Variants in RBFOX1 observed in about 807,000 individuals in gnomAD.
RBFOX1 encodes RNA binding protein fox-1 homolog 1.
Under a neutral mutation model 57.7 loss-of-function variants are expected in RBFOX1, and 8 were observed. The ratio of observed to expected loss-of-function variants is 0.14; its 90% CI spans 0.08 to 0.25. The LOEUF (loss-of-function observed/expected upper bound fraction) is 0.25. Ranked by LOEUF, RBFOX1 falls within the 10% of genes least tolerant of loss-of-function variation. The pLI, the probability that RBFOX1 is intolerant of heterozygous loss-of-function variation, is 1.00. For missense variants in RBFOX1, 611 were observed against 548.5 expected, an observed-to-expected ratio of 1.11 and a Z score of -1.14; for synonymous variants, 326 against 222.4, an observed-to-expected ratio of 1.47 and a Z score of -4.15.
chr16:5,663,100 C>A (rs114373675), intron 3 of RBFOX1, among the ~76,000 whole-genome samples: 1 of 152,102 alleles, frequency 6.6e-6, no homozygotes, highest in Non-Finnish European at 1.5e-5. Context: ...AGGTATAGGC[C>A]AGGGATACTG....
At chr16:6,158,723 C>G (rs779022527) in intron 1 of RBFOX1, among the ~76,000 whole-genome samples, 66 of 152,128 alleles carry the variant, frequency 4.3e-4, no homozygotes, top group Non-Finnish European at 6.9e-4. Flanking sequence ...GTGTGTATGA[C>G]AGAAGTAAAC....
chr16:5,470,959 C>T (rs1352708000), intron 2 of RBFOX1, among the ~76,000 whole-genome samples: 1 of 152,164 alleles, frequency 6.6e-6, no homozygotes, highest in Non-Finnish European at 1.5e-5. Flanking sequence ...TCAAGCGATT[C>T]TACTGCCTCA....
At chr16:5,473,330 C>G (rs1208060214) in intron 2 of RBFOX1, among the ~76,000 whole-genome samples, 3 of 152,178 alleles carry the variant, frequency 2.0e-5, no homozygotes, top group African/African-American at 7.2e-5. Context: ...CACCTCATTA[C>G]TCCTGTTACA....
chr16:6,799,171 A>C (rs945092488), intron 3 of RBFOX1, among the ~76,000 whole-genome samples: 8 of 152,096 alleles, frequency 5.3e-5, no homozygotes, highest in Admixed American at 1.3e-4. Context: ...TCAGGAAAGA[A>C]TTCAAAAGTG....
chr16:7,392,200 A>G (rs974436754), intron 4 of RBFOX1, among the ~76,000 whole-genome samples: 1 of 151,942 alleles, frequency 6.6e-6, no homozygotes, highest in African/African-American at 2.4e-5. Flanking sequence ...TCATTTTCAG[A>G]CCTCTGCCTA....
At chr16:5,860,778 A>T (rs1444507298) in intron 3 of RBFOX1, among the ~76,000 whole-genome samples, 1 of 152,176 alleles carries the variant, frequency 6.6e-6, no homozygotes, top group Non-Finnish European at 1.5e-5. Context: ...TCTCCACAAC[A>T]TCATGAAAAA....
intron 4 of RBFOX1, among the ~76,000 whole-genome samples, chr16:7,477,494 T>G (rs1286295077): frequency 1.3e-5 from 2 of 152,112 alleles, no homozygotes; most frequent in South Asian, 2.1e-4. Flanking sequence ...TCCTTGCCTC[T>G]CCCTTCTGCC....
intron 4 of RBFOX1, among the ~76,000 whole-genome samples, chr16:7,493,266 C>T (rs11077193): frequency 0.17 from 25,177 of 152,120 alleles, 2,906 homozygotes; most frequent in East Asian, 0.42. Context: ...ACCTTTCAGG[C>T]GCTCAACAGC....
intron 3 of RBFOX1, among the ~76,000 whole-genome samples, chr16:5,669,510 C>G (rs1024333695): frequency 6.7e-6 from 1 of 149,788 alleles, no homozygotes; most frequent in Non-Finnish European, 1.5e-5. Flanking sequence ...ACCTCCAACT[C>G]CCTGGTTCAA....
chr16:5,471,097 G>C (rs1418255560), intron 2 of RBFOX1, among the ~76,000 whole-genome samples: 2 of 152,164 alleles, frequency 1.3e-5, no homozygotes, highest in Non-Finnish European at 2.9e-5. Context: ...GTCTCCCAAA[G>C]TGCTGGGATT....
intron 3 of RBFOX1, among the ~76,000 whole-genome samples, chr16:6,986,671 C>T (rs2090356310): frequency 6.6e-6 from 1 of 152,128 alleles, no homozygotes; most frequent in African/African-American, 2.4e-5. Context: ...TTCCCTTCCT[C>T]TCCCTCCCCT....
At chr16:5,260,821 T>C (rs1258940047) in intron 1 of RBFOX1, 1 of 152,308 alleles carries the variant, frequency 6.6e-6, no homozygotes, top group African/African-American at 2.4e-5. Flanking sequence ...TGAGTTCATT[T>C]TTCTTTGCAT....
intron 1 of RBFOX1, among the ~76,000 whole-genome samples, chr16:6,292,666 C>T (rs887350946): frequency 6.6e-6 from 1 of 152,108 alleles, no homozygotes. Context: ...ATTTTTGCTC[C>T]TTCTAGGCGA....
At chr16:6,100,800 G>T (rs2096297059) in intron 1 of RBFOX1, among the ~76,000 whole-genome samples, 1 of 152,132 alleles carries the variant, frequency 6.6e-6, no homozygotes, top group Non-Finnish European at 1.5e-5. Context: ...GTTGGGATTT[G>T]AACCCTGGGT....
intron 3 of RBFOX1, among the ~76,000 whole-genome samples, chr16:6,712,452 C>T (rs548866484): frequency 6.6e-6 from 1 of 152,060 alleles, no homozygotes; most frequent in East Asian, 1.9e-4. Context: ...ACCATCCTAA[C>T]CTTTCCTCTC....
chr16:7,033,977 AAAAT>A (rs1330212419), intron 3 of RBFOX1, among the ~76,000 whole-genome samples: 1 of 152,190 alleles, frequency 6.6e-6, no homozygotes, highest in South Asian at 2.1e-4. Flanking sequence ...TAAAATGTCT[AAAAT>A]AAAATAATAA....
At chr16:6,868,083 AATTAAT>A (rs1283529746) in intron 3 of RBFOX1, among the ~76,000 whole-genome samples, 1 of 152,234 alleles carries the variant, frequency 6.6e-6, no homozygotes, top group East Asian at 1.9e-4. Context: ...GTGTTGAGAA[AATTAAT>A]ATGTGAAATT....
At chr16:6,557,048 T>TATATACATATATACATAC (rs1555548853) in intron 2 of RBFOX1, among the ~76,000 whole-genome samples, 1 of 121,180 alleles carries the variant, frequency 8.3e-6, no homozygotes, top group African/African-American at 4.7e-5. Context: ...TATATATACA[T>TATATACATATATACATAC]ATATATACAT....
chr16:6,383,977 A>G (rs1427013520), intron 2 of RBFOX1, among the ~76,000 whole-genome samples: 1 of 151,986 alleles, frequency 6.6e-6, no homozygotes, highest in Non-Finnish European at 1.5e-5. Flanking sequence ...CCTTCTCTGC[A>G]GTACATTTAC....
Sources: gnomAD v4.1 joint callset for allele counts (sites outside exome capture counted in the v4.1 genomes callset) on GRCh38, gnomAD v4.1.1 for gene constraint, MANE v1.5 for transcripts, NCBI Gene and HGNC (gene_info 2026-07-23, HGNC 2026-07-21) for gene names.